The following ZNF765 variants were observed in gnomAD, a reference collection of about 807,000 sequenced individuals.
ZNF765 encodes the protein zinc finger protein 765.
In ZNF765, 37 loss-of-function variants were observed where a neutral mutation model predicts 44.7. The ratio of observed to expected loss-of-function variants is 0.83; its 90% CI spans 0.64 to 1.09. The LOEUF is 1.09. Ranked by LOEUF, ZNF765 falls within the 50% of genes least tolerant of loss-of-function variation. ZNF765 has a pLI of 0.00. For missense variants in ZNF765, 594 were observed against 626.1 expected, an observed-to-expected ratio of 0.95 and a Z score of 0.55; for synonymous variants, 201 against 213.7, an observed-to-expected ratio of 0.94 and a Z score of 0.52.
chr19:53,410,720 C>G lies in ZNF765; in HGVS notation c.*1593C>G. 2.3e-6 allele frequency: 1 copy of G among 431,190 alleles called. No individual in the cohort carries two copies. The highest frequency in any genetic ancestry group is 4.7e-6 in the Non-Finnish European group (1 of 211,200). The allele number at this position is 431,190 out of a possible 1,614,324, so 26.7% of individuals were successfully genotyped here. A position where few individuals can be genotyped will look rare whatever the true frequency, so the allele number is the denominator to read the frequency against. On this transcript the variant is annotated 3_prime_UTR_variant, in exon 4 of 4. Transcript: ENST00000396408. ...TTTTTCAGACATTGTTCATAACTTG[C>G]AGTTCATCGGCGAACTCGTACTGGA...
intron 2 of ZNF765, 182 bp from the exon 3 acceptor site, chr19:53,401,883 A>G (rs2085729346): frequency 6.5e-7 from 1 of 1,533,552 alleles, no homozygotes; most frequent in African/African-American, 1.4e-5. Context: ...CTTTAAAAAA[A>G]AAAAAAAGAA....
intron 1 of ZNF765, 121 bp from the exon 2 acceptor site, chr19:53,397,822 G>A: frequency 2.0e-6 from 2 of 1,005,374 alleles, no homozygotes; most frequent in Admixed American, 2.8e-5. Flanking sequence ...TGTCCCTGGT[G>A]TGGTCGGCAG....
chr19:53,407,091 A>G (rs1285509282), intron 3 of ZNF765, among the ~76,000 whole-genome samples: 3 of 152,110 alleles, frequency 2.0e-5, no homozygotes, highest in Non-Finnish European at 2.9e-5. Flanking sequence ...AGCTCACTGC[A>G]ACCTTTGCCT....
At chr19:53,402,306 G>A (rs552930519) in intron 3 of ZNF765, 115 bp downstream of exon 3, 3 of 1,490,872 alleles carry the variant, frequency 2.0e-6, no homozygotes, top group East Asian at 4.7e-5. Flanking sequence ...GCCCAGGCTG[G>A]AGTGCTGTGG....
In ZNF765 at chr19:53,408,516, C is replaced by A; in HGVS notation, c.961C>A (p.His321Asn). ...AAAGCTTCAAATACATAGGAGAATTCATACTGGAGAGAAACCGTACAAGTG... is the reference window on the plus strand; with the variant it reads ...AAAGCTTCAAATACATAGGAGAATTAATACTGGAGAGAAACCGTACAAGTG... ...KSKLQIHRRIHTGEKPYKCNE... is the reference protein window; with the variant it reads ...KSKLQIHRRINTGEKPYKCNE... Residue 321 changes from histidine to asparagine, a missense_variant, in exon 4 of 4, where the codon CAT (histidine) becomes AAT (asparagine). Around this residue, in one of 2 missense-constraint regions of ZNF765, gnomAD observed 567 missense variants for 572.6 expected, o/e 0.99. Coordinates refer to ENST00000396408, the MANE Select transcript of ZNF765 (RefSeq NM_001040185.3). 6.2e-7 allele frequency: 1 copy of A among 1,612,062 alleles called. No homozygotes were observed. The highest frequency in any genetic ancestry group is 1.3e-5 in the African/African-American group (1 of 74,714).
At chr19:53,398,490 A>T (rs1457401461) in intron 2 of ZNF765, among the ~76,000 whole-genome samples, 3 of 152,322 alleles carry the variant, frequency 2.0e-5, no homozygotes, top group South Asian at 2.1e-4. Context: ...ATTTTTAGGT[A>T]ATTGAGTGAG....
intron 3 of ZNF765, among the ~76,000 whole-genome samples, chr19:53,418,911 A>G (rs1228065378): frequency 5.1e-3 from 32 of 6,334 alleles, no homozygotes; most frequent in Non-Finnish European, 0.012. Context: ...TTGTGGGAGG[A>G]AAAAAAAAAA....
At chr19:53,400,778 A>AT (rs2147089916) in intron 2 of ZNF765, among the ~76,000 whole-genome samples, 1 of 95,312 alleles carries the variant, frequency 1.0e-5, no homozygotes, top group South Asian at 4.5e-4. Context: ...ATATATATAT[A>AT]TATATACACA....
At position 53,409,310 on chromosome 19, in the gene ZNF765, C is replaced by G. The variant is rs2085811457; in HGVS notation, c.*183C>G. 2.2e-6 allele frequency: 2 copies of G among 906,978 alleles called. No individual in the cohort carries two copies. Among genetic ancestry groups the G allele is most frequent in the Non-Finnish European group, 3.7e-6 (2 of 541,632 alleles). 56.2% of individuals were successfully genotyped at this position (906,978 alleles called of 1,614,324 possible). A position where few individuals can be genotyped will look rare whatever the true frequency, so the allele number is the denominator to read the frequency against. ...ACAAGTGTAATGAGTGTGGCAAGAC[C>G]TTGAGTCATACGTCATCTTTTGTGT... On this transcript the variant is annotated 3_prime_UTR_variant, in exon 4 of 4. Transcript: ENST00000396408.
At chr19:53,405,575 C>T (rs1208023113) in intron 3 of ZNF765, among the ~76,000 whole-genome samples, 1 of 151,000 alleles carries the variant, frequency 6.6e-6, no homozygotes, top group Non-Finnish European at 1.5e-5. Flanking sequence ...CCTGCCGTGT[C>T]CTGACATGGT....
rs2085819284 is a variant in ZNF765, at chr19:53,410,053, CT to C, written c.*929del. 1 of 468,114 alleles carries C rather than the reference CT, an allele frequency of 2.1e-6. No homozygotes were observed. Among genetic ancestry groups the C allele is most frequent in the African/African-American group, 2.0e-5 (1 of 49,718 alleles). 29.0% of individuals were successfully genotyped at this position (468,114 alleles called of 1,614,324 possible). On this transcript the variant is annotated 3_prime_UTR_variant, in exon 4 of 4. Coordinates refer to ENST00000396408, the MANE Select transcript of ZNF765 (RefSeq NM_001040185.3). The stretch of plus-strand genomic sequence containing the variant: ...AAAATTTTTCAGACATCCTTCATAC[CT>C]TTGCAGTTCATGGGTGAAGTCGTAT...
At chr19:53,426,137 C>A in exon 4 of ZNF765, 2 of 153,388 alleles carry the variant, frequency 1.3e-5, no homozygotes, top group South Asian at 3.6e-4. Context: ...AGAAGCCCCC[C>A]TCAGCAGGAA....
chr19:53,412,523 T>C (rs1478011968), downstream of ZNF765, among the ~76,000 whole-genome samples: 2 of 152,234 alleles, frequency 1.3e-5, no homozygotes, highest in African/African-American at 4.8e-5. Context: ...GGTACAAGTC[T>C]GTTATAACAT....
In ZNF765 at chr19:53,409,711, G is replaced by C. The variant is rs556398523; in HGVS notation, c.*584G>C. ...GGAGGATACCTTACAAATGTAATGA[G>C]TGTGGCAAGACCTTTAGTCAGAACT... On this transcript the variant is annotated 3_prime_UTR_variant, in exon 4 of 4. Transcript: ENST00000396408. 9.8e-7 allele frequency: 1 copy of C among 1,016,304 alleles called. No individual in the cohort carries two copies. The highest frequency in any genetic ancestry group is 1.6e-5 in the African/African-American group (1 of 63,116). The allele number at this position is 1,016,304 out of a possible 1,614,324, so 63.0% of individuals were successfully genotyped here.
intron 3 of ZNF765, among the ~76,000 whole-genome samples, chr19:53,406,922 A>C (rs923615551): frequency 6.6e-6 from 1 of 152,222 alleles, no homozygotes; most frequent in Non-Finnish European, 1.5e-5. Context: ...TCTCAAAAAT[A>C]TAAAAATAAA....
chr19:53,398,953 G>A (rs2085696323), intron 2 of ZNF765, among the ~76,000 whole-genome samples: 1 of 151,890 alleles, frequency 6.6e-6, no homozygotes, highest in Non-Finnish European at 1.5e-5. Context: ...GTATCACCAT[G>A]TTGGCCAGGC....
chr19:53,426,011 C>T (rs1333729409), exon 4 of ZNF765: 1 of 152,296 alleles, frequency 6.6e-6, no homozygotes, highest in Non-Finnish European at 1.5e-5. Context: ...CTCATCTCCG[C>T]ATACAGGCGT....
chr19:53,395,424 C>G (rs1489417366), intron 1 of ZNF765, among the ~76,000 whole-genome samples: 2 of 152,374 alleles, frequency 1.3e-5, no homozygotes, highest in South Asian at 4.1e-4. Context: ...TATACACTTT[C>G]TATCACGTAG....
rs562332342 is a variant in ZNF765 at position 53,409,280 on chromosome 19, A to C, written c.*153A>C. On this transcript the variant is annotated 3_prime_UTR_variant, in exon 4 of 4. Coordinates refer to ENST00000396408, the MANE Select transcript of ZNF765 (RefSeq NM_001040185.3). ...CATCAGAAAATTCGTACTGAAGAGA[A>C]TCTTACAAGTGTAATGAGTGTGGCA... is the stretch of plus-strand genomic sequence containing the variant. 9.9e-7 allele frequency: 1 copy of C among 1,005,516 alleles called. No individual in the cohort carries two copies. Among genetic ancestry groups the C allele is most frequent in the Non-Finnish European group, 1.6e-6 (1 of 629,732 alleles). 62.3% of individuals were successfully genotyped at this position (1,005,516 alleles called of 1,614,324 possible). A position where few individuals can be genotyped will look rare whatever the true frequency, so the allele number is the denominator to read the frequency against.
Sources: gnomAD v4.1 joint callset for allele counts (sites outside exome capture counted in the v4.1 genomes callset) on GRCh38, gnomAD v4.1.1 for gene constraint, gnomAD v4.1.1 regional missense constraint, MANE v1.5 for transcripts, NCBI Gene and HGNC (gene_info 2026-07-23, HGNC 2026-07-21) for gene names.